The following ZNF479 variants were observed in gnomAD, a reference collection of about 807,000 sequenced individuals.
ZNF479 encodes the protein zinc finger protein 479, also known as KRAB zinc finger protein KR19.
ZNF479 carries 15 observed loss-of-function variants against 14.7 expected under a neutral mutation model. The ratio of observed to expected loss-of-function variants is 1.02; its 90% CI spans 0.68 to 1.57. The LOEUF (loss-of-function observed/expected upper bound fraction) is 1.57, where lower values mean the gene tolerates loss of function less well. ZNF479 is among the 40% of genes most tolerant of loss of function. The pLI is 0.00. For synonymous variants in ZNF479, 145 were observed against 211.5 expected, an observed-to-expected ratio of 0.69 and a Z score of 2.73; for missense variants, 506 against 615.1, an observed-to-expected ratio of 0.82 and a Z score of 1.88.
chr7:57,127,329 G>T (rs927209570), intron 1 of ZNF479, among the ~76,000 whole-genome samples: 20 of 152,164 alleles, frequency 1.3e-4, no homozygotes, highest in African/African-American at 4.8e-4. Context: ...GGCCGGACAT[G>T]TCTATTTTTG....
Position 57,129,715 on chromosome 7 carries a change from G to A in ZNF479, c.39+2571C>T, listed in dbSNP as rs1444296605. Reference sequence around the variant, plus strand: ...TGATTTAATTTTCATAGCACCCTGGGAGTTGGTACTAAGTGCTGAATAATT... The same window carrying A: ...TGATTTAATTTTCATAGCACCCTGGAAGTTGGTACTAAGTGCTGAATAATT... On this transcript the variant is annotated intron_variant, in intron 1 of 3. Coordinates refer to ENST00000319636, the MANE Select transcript of ZNF479 (RefSeq NM_001370129.2). Among the ~76,000 whole-genome samples, 3 of 152,060 alleles carry A rather than the reference G, an allele frequency of 2.0e-5. No individual in the cohort carries two copies. In the South Asian group the frequency reaches 6.2e-4, roughly 32 times the overall value.
chr7:57,120,614 T>C lies in ZNF479; in HGVS notation c.801A>G (p.Lys267=). 1.2e-6 allele frequency: 2 copies of C among 1,613,906 alleles called. No individual in the cohort carries two copies. Among genetic ancestry groups the C allele is most frequent in the Non-Finnish European group, 1.7e-6 (2 of 1,179,922 alleles). Residue 267 remains lysine (K), a synonymous_variant, in exon 4 of 4, where the codon AAA becomes AAG. Coordinates refer to ENST00000319636, the MANE Select transcript of ZNF479 (RefSeq NM_001370129.2). ...GGCCACATTCTTCACACGTGTAGGG[T>C]TTCTCTCCAGTATGAGTTCTCTTAT... ...TRHKRTHTGE[K]PYTCEECGQA...
chr7:57,123,603 G>A (rs2115864726), intron 3 of ZNF479, among the ~76,000 whole-genome samples: 1 of 152,256 alleles, frequency 6.6e-6, no homozygotes. Flanking sequence ...GGAGGCCAAG[G>A]TGGAAGAATC....
Position 57,132,418 on chromosome 7 carries a change from G to T in ZNF479, c.-94C>A. ...AGTGAAGAGGAGAACTGCAGCTCTG[G>T]ACGCAGAGAAACACAAAGGACCCGC... is the stretch of plus-strand genomic sequence containing the variant. On this transcript the variant is annotated 5_prime_UTR_variant, in exon 1 of 4. Transcript: ENST00000319636. 1 of 1,598,246 alleles carries T rather than the reference G, an allele frequency of 6.3e-7. No individual in the cohort carries two copies. The highest frequency in any genetic ancestry group is 1.1e-5 in the South Asian group (1 of 90,620).
chr7:57,137,829 A>T (rs993111642), intron 1 of ZNF479, among the ~76,000 whole-genome samples: 1 of 151,878 alleles, frequency 6.6e-6, no homozygotes, highest in African/African-American at 2.4e-5. Flanking sequence ...AGGTGATGTG[A>T]CTCTCCCTTT....
intron 1 of ZNF479, among the ~76,000 whole-genome samples, chr7:57,130,299 C>T (rs541024744): frequency 2.4e-4 from 36 of 152,182 alleles, no homozygotes; most frequent in African/African-American, 7.9e-4. Flanking sequence ...ATAGTGAAAG[C>T]CAATCTCTAC....
chr7:57,127,563 T>G, intron 1 of ZNF479: 2 of 984,796 alleles, frequency 2.0e-6, no homozygotes, highest in Non-Finnish European at 2.4e-6. Flanking sequence ...ATCCAGTAAA[T>G]GGCAGAGTCT....
chr7:57,127,553 A>C, intron 1 of ZNF479: 1 of 984,918 alleles, frequency 1.0e-6, no homozygotes, highest in South Asian at 4.7e-5. Context: ...TTTGTCAAAT[A>C]TCCAGTAAAT....
chr7:57,126,777 A>G, intron 1 of ZNF479, 59 bp from the exon 2 acceptor site: 3 of 1,598,166 alleles, frequency 1.9e-6, no homozygotes, highest in Non-Finnish European at 2.6e-6. Context: ...ACACGGCCAT[A>G]GGCAGAGATT....
intron 1 of ZNF479, among the ~76,000 whole-genome samples, chr7:57,127,224 T>C (rs998592829): frequency 1.3e-5 from 2 of 152,008 alleles, no homozygotes; most frequent in African/African-American, 4.8e-5. Context: ...GGTTTCTCCA[T>C]GTGGACCTGG....
At position 57,118,600 on chromosome 7, in the gene ZNF479, G is replaced by T. The variant is rs1370521532; in HGVS notation, c.*1240C>A. ...TTGGCCAGGCTGGTCTTGAACTCCTGACCTCATGATCCACCGACCTTGGTC... is the reference window on the plus strand; with the variant it reads ...TTGGCCAGGCTGGTCTTGAACTCCTTACCTCATGATCCACCGACCTTGGTC... On this transcript the variant is annotated 3_prime_UTR_variant, in exon 4 of 4. Transcript: ENST00000319636. Among the ~76,000 whole-genome samples the T allele has an allele frequency of 6.6e-6, 1 of 152,154 alleles. No individual in the cohort carries two copies. Among genetic ancestry groups the T allele is most frequent in the Non-Finnish European group, 1.5e-5 (1 of 68,030 alleles).
upstream of ZNF479, among the ~76,000 whole-genome samples, chr7:57,132,934 G>A (rs912987115): frequency 2.0e-5 from 3 of 151,992 alleles, no homozygotes; most frequent in Admixed American, 1.3e-4. Flanking sequence ...TCAGGAGTTC[G>A]AGACAGGCCT....
chr7:57,133,438 T>C (rs1241559956), upstream of ZNF479, among the ~76,000 whole-genome samples: 1 of 152,166 alleles, frequency 6.6e-6, no homozygotes, highest in Non-Finnish European at 1.5e-5. Context: ...CTGAGCTATT[T>C]GTTTGTAGCA....
chr7:57,135,108 T>G (rs1200635095), upstream of ZNF479, among the ~76,000 whole-genome samples: 1 of 152,166 alleles, frequency 6.6e-6, no homozygotes, highest in Non-Finnish European at 1.5e-5. Context: ...TCAAAGGAAA[T>G]AGACTGAATT....
At position 57,126,091 on chromosome 7, in the gene ZNF479, G is replaced by A. The variant is rs750533546; in HGVS notation, c.189C>T (p.Asp63=). Residue 63 remains aspartate (D), a synonymous_variant, in exon 3 of 4, where the codon GAC becomes GAT. Transcript: ENST00000319636. ...VSLGIAVSKP[D]LITCLEQNKE... Reference sequence around the variant, plus strand: ...TATTTTGCTCCAGACAGGTGATCAAGTCTGGCTTAGAGACAGCAATACCTG... The same window carrying A: ...TATTTTGCTCCAGACAGGTGATCAAATCTGGCTTAGAGACAGCAATACCTG... 1 of 1,602,562 alleles carries A rather than the reference G, an allele frequency of 6.2e-7. No individual in the cohort carries two copies. Among genetic ancestry groups the A allele is most frequent in the East Asian group, 2.2e-5 (1 of 44,860 alleles).
Position 57,120,875 on chromosome 7 carries a change from A to G in ZNF479, c.540T>C (p.Thr180=). The change falls in exon 4 of 4, where the codon ACT becomes ACC. Residue 180 remains threonine (T), a synonymous_variant. Transcript: ENST00000319636. ...SNSNRDKTRY[T]GNKHFKCNKY... Reference sequence around the variant, plus strand: ...TGTTACATTTGAAATGTTTATTTCCAGTATATCTTGTTTTATCTCTATTGG... The same window carrying G: ...TGTTACATTTGAAATGTTTATTTCCGGTATATCTTGTTTTATCTCTATTGG... 1 of 1,613,966 alleles carries G rather than the reference A, an allele frequency of 6.2e-7. No individual in the cohort carries two copies. The highest frequency in any genetic ancestry group is 8.5e-7 in the Non-Finnish European group (1 of 1,179,954).
At position 57,120,488 on chromosome 7, in the gene ZNF479, G is replaced by T. The variant is rs782747859; in HGVS notation, c.927C>A (p.Ser309=). The part of the protein sequence containing the change: ...CEECGKAFSV[S]STLTDHKRIH... ...TTCTCTTGTGGTCAGTGAGGGTTGA[G>T]GATACGCTAAAGGCTTTGCCACATT... Residue 309 remains serine, a synonymous_variant, in exon 4 of 4, where the codon TCC becomes TCA. Transcript: ENST00000319636. 7.5e-6 allele frequency: 12 copies of T among 1,610,280 alleles called. No individual in the cohort carries two copies. The highest frequency in any genetic ancestry group is 1.4e-5 in the African/African-American group (1 of 73,796).
chr7:57,135,928 G>A (rs957085833), upstream of ZNF479, among the ~76,000 whole-genome samples: 1 of 151,268 alleles, frequency 6.6e-6, no homozygotes, highest in South Asian at 2.1e-4. Flanking sequence ...TGGCTTTCCT[G>A]AGCTCCTCAC....
chr7:57,126,756 A>G, intron 1 of ZNF479, 38 bp from the exon 2 acceptor site: 1 of 1,613,422 alleles, frequency 6.2e-7, no homozygotes, highest in Non-Finnish European at 8.5e-7. Context: ...ATGAACACAC[A>G]AGCACTTACC....
Sources: gnomAD v4.1 joint callset for allele counts (sites outside exome capture counted in the v4.1 genomes callset) on GRCh38, gnomAD v4.1.1 for gene constraint, MANE v1.5 for transcripts, NCBI Gene and HGNC (gene_info 2026-07-23, HGNC 2026-07-21) for gene names.